RSPO3: variants seen among roughly 807,000 people sequenced by gnomAD.
RSPO3 encodes R-spondin-3.
RSPO3 carries 17 observed loss-of-function variants against 36.5 expected under a neutral mutation model. The ratio of observed to expected loss-of-function variants is 0.47; its 90% CI spans 0.32 to 0.70. The LOEUF is 0.70. Ranked by LOEUF, RSPO3 falls within the 30% of genes least tolerant of loss-of-function variation. The pLI is 0.04. For missense variants in RSPO3, 294 were observed against 322.5 expected, an observed-to-expected ratio of 0.91 and a Z score of 0.68; for synonymous variants, 108 against 107.0, an observed-to-expected ratio of 1.01 and a Z score of -0.06.
In RSPO3 at chr6:127,199,176, T is replaced by C. The variant is rs1054826468; in HGVS notation, c.*3169T>C. 2.0e-5 allele frequency among the ~76,000 whole-genome samples: 3 copies of C among 152,226 alleles called. No individual in the cohort carries two copies. The highest frequency in any genetic ancestry group is 4.4e-5 in the Non-Finnish European group (3 of 68,028). On this transcript the variant is annotated 3_prime_UTR_variant, in exon 5 of 5. Transcript: ENST00000356698. ...TGCAGCTTGTGTGACCTTGGGCACA[T>C]TGTATGATCTCGCAGAATATCATCC...
intron 4 of RSPO3, chr6:127,192,665 A>G (rs1775435995): frequency 2.0e-6 from 2 of 985,430 alleles, no homozygotes; most frequent in Non-Finnish European, 2.4e-6. Context: ...AGGGGAGATG[A>G]ACGCTGTTTT....
intron 4 of RSPO3, among the ~76,000 whole-genome samples, chr6:127,178,320 G>C (rs754451535): frequency 5.3e-5 from 8 of 151,610 alleles, no homozygotes; most frequent in Non-Finnish European, 7.4e-5. Context: ...AAGCAGCTTT[G>C]AGTCCTATTT....
intron 4 of RSPO3, among the ~76,000 whole-genome samples, chr6:127,192,461 C>T (rs929895543): frequency 6.6e-6 from 1 of 152,164 alleles, no homozygotes; most frequent in African/African-American, 2.4e-5. Context: ...GAAATATCAA[C>T]AACTTGCCAG....
At chr6:127,188,676 G>A (rs1775346974) in intron 4 of RSPO3, among the ~76,000 whole-genome samples, 2 of 152,000 alleles carry the variant, frequency 1.3e-5, no homozygotes, top group Non-Finnish European at 1.5e-5. Context: ...AAAAGAAAGA[G>A]AATAGAGAAT....
intron 1 of RSPO3, among the ~76,000 whole-genome samples, chr6:127,125,919 C>A (rs2114538937): frequency 6.6e-6 from 1 of 152,156 alleles, no homozygotes; most frequent in East Asian, 1.9e-4. Flanking sequence ...AGATGATTTA[C>A]AATAGTCCAG....
rs540620135 is a variant in RSPO3, at chr6:127,186,225, G to A, written c.635-9598G>A. The stretch of plus-strand genomic sequence containing the variant: ...TTCTTAGAAAAAATAAAAGGCATTT[G>A]GTGAATATTTATCATATACTGATTC... On this transcript the variant is annotated intron_variant, in intron 4 of 4. Transcript: ENST00000356698. 1.3e-3 allele frequency among the ~76,000 whole-genome samples: 199 copies of A among 152,144 alleles called. 1 individual carries two copies. The highest frequency in any genetic ancestry group is 6.8e-3 in the Middle Eastern group (2 of 294).
intron 1 of RSPO3, among the ~76,000 whole-genome samples, chr6:127,139,959 A>G (rs1026558845): frequency 6.6e-6 from 1 of 152,046 alleles, no homozygotes; most frequent in Non-Finnish European, 1.5e-5. Flanking sequence ...ACACCTCTTT[A>G]TTTTTGGTTC....
chr6:127,135,217 C>T (rs1056099309), intron 1 of RSPO3, among the ~76,000 whole-genome samples: 7 of 151,738 alleles, frequency 4.6e-5, no homozygotes, highest in African/African-American at 1.5e-4. Flanking sequence ...GTCAAGAGAT[C>T]GAGACCATCA....
chr6:127,172,427 G>C (rs993165469), intron 4 of RSPO3, among the ~76,000 whole-genome samples: 9 of 151,536 alleles, frequency 5.9e-5, no homozygotes, highest in African/African-American at 2.2e-4. Flanking sequence ...TGGACACTAA[G>C]GAGTTAGGGC....
chr6:127,169,725 T>C (rs1213226106), intron 4 of RSPO3, among the ~76,000 whole-genome samples: 2 of 151,884 alleles, frequency 1.3e-5, no homozygotes, highest in Non-Finnish European at 2.9e-5. Context: ...TCATAAGGCT[T>C]TATGGACACA....
In RSPO3 at chr6:127,198,193, T is replaced by C. The variant is rs1375027619; in HGVS notation, c.*2186T>C. ...TGTGTTTGACTCAAACTTATTACCC[T>C]ATGGTCCTTCTGACAATGGCAGAAG... On this transcript the variant is annotated 3_prime_UTR_variant, in exon 5 of 5. Coordinates refer to ENST00000356698, the MANE Select transcript of RSPO3 (RefSeq NM_032784.5). Among the ~76,000 whole-genome samples, 1 of 152,218 alleles carries C rather than the reference T, an allele frequency of 6.6e-6. No individual in the cohort carries two copies. Among genetic ancestry groups the C allele is most frequent in the East Asian group, 1.9e-4 (1 of 5,198 alleles).
rs576090509 is a variant in RSPO3, at chr6:127,119,393, C to T, written c.97+104C>T. 4 of 818,794 alleles carry T rather than the reference C, an allele frequency of 4.9e-6. No individual in the cohort carries two copies. In the African/African-American group the frequency reaches 6.8e-5, roughly 14 times the overall value. 50.7% of individuals were successfully genotyped at this position (818,794 alleles called of 1,614,324 possible). On this transcript the variant is annotated intron_variant, in intron 1 of 4. Transcript: ENST00000356698. ...CTCCCAACTGCAGCGGTCCTCCCGC[C>T]CTGCGCCTCGCAGAGGAGATGCAGG...
At position 127,199,292 on chromosome 6, in the gene RSPO3, T is replaced by G. The variant is rs1278535074; in HGVS notation, c.*3285T>G. The stretch of plus-strand genomic sequence containing the variant: ...TCATTCAATATAATAATAAATATTT[T>G]GTATATAAATGAATATCAATTAAAA... On this transcript the variant is annotated 3_prime_UTR_variant, in exon 5 of 5. Coordinates refer to ENST00000356698, the MANE Select transcript of RSPO3 (RefSeq NM_032784.5). 6.6e-6 allele frequency among the ~76,000 whole-genome samples: 1 copy of G among 152,150 alleles called. No homozygotes were observed. Among genetic ancestry groups the G allele is most frequent in the African/African-American group, 2.4e-5 (1 of 41,446 alleles).
chr6:127,130,840 T>C (rs1774036976), intron 1 of RSPO3, among the ~76,000 whole-genome samples: 1 of 152,074 alleles, frequency 6.6e-6, no homozygotes, highest in Non-Finnish European at 1.5e-5. Flanking sequence ...TGATGAGTTT[T>C]TTTTTATATG....
chr6:127,130,524 G>A (rs932491650), intron 1 of RSPO3, among the ~76,000 whole-genome samples: 8 of 152,104 alleles, frequency 5.3e-5, no homozygotes, highest in African/African-American at 1.4e-4. Flanking sequence ...AATAAACCCT[G>A]TCCTTGTGCA....
At chr6:127,133,699 G>C (rs1240553855) in intron 1 of RSPO3, among the ~76,000 whole-genome samples, 1 of 152,044 alleles carries the variant, frequency 6.6e-6, no homozygotes, top group Non-Finnish European at 1.5e-5. Context: ...GGAAGTTTTA[G>C]ACCATATTTT....
Position 127,125,220 on chromosome 6 carries a change from T to C in RSPO3, c.97+5931T>C, listed in dbSNP as rs113090595. Reference sequence around the variant, plus strand: ...ATTTAATGGCTTTTAACTGTCCTTATGTTTTATGCAAACATCTAATCTACT... The same window carrying C: ...ATTTAATGGCTTTTAACTGTCCTTACGTTTTATGCAAACATCTAATCTACT... On this transcript the variant is annotated intron_variant, in intron 1 of 4. Transcript: ENST00000356698. Among the ~76,000 whole-genome samples, 1,185 of 152,288 alleles carry C rather than the reference T, an allele frequency of 7.8e-3. 13 individuals carry two copies. The highest frequency in any genetic ancestry group is 0.027 in the African/African-American group (1,130 of 41,556).
intron 1 of RSPO3, among the ~76,000 whole-genome samples, chr6:127,143,638 C>T (rs1774323634): frequency 6.6e-6 from 1 of 152,166 alleles, no homozygotes; most frequent in African/African-American, 2.4e-5. Context: ...CTAAAATTTA[C>T]ATTTCTGGAA....
At chr6:127,120,976 G>A (rs974270369) in intron 1 of RSPO3, among the ~76,000 whole-genome samples, 4 of 152,234 alleles carry the variant, frequency 2.6e-5, no homozygotes, top group African/African-American at 9.6e-5. Flanking sequence ...CCAGGGTCTG[G>A]CCTGGGGAAT....
Sources: gnomAD v4.1 joint callset for allele counts (sites outside exome capture counted in the v4.1 genomes callset) on GRCh38, gnomAD v4.1.1 for gene constraint, MANE v1.5 for transcripts, NCBI Gene and HGNC (gene_info 2026-07-23, HGNC 2026-07-21) for gene names.